The following FUT8 variants were observed in gnomAD, a reference collection of about 807,000 sequenced individuals.
FUT8 encodes the protein alpha-(1,6)-fucosyltransferase.
FUT8 carries 29 observed loss-of-function variants against 71.3 expected under a neutral mutation model. That is an observed-to-expected ratio of 0.41 (90% CI 0.30 to 0.55). The LOEUF (loss-of-function observed/expected upper bound fraction) is 0.55. Ranked by LOEUF, FUT8 falls within the 20% of genes least tolerant of loss-of-function variation. FUT8 has a pLI of 0.34. For missense variants in FUT8, 544 were observed against 702.1 expected, an observed-to-expected ratio of 0.77 and a Z score of 2.55; for synonymous variants, 254 against 239.3, an observed-to-expected ratio of 1.06 and a Z score of -0.57.
At chr14:65,677,301 G>C (rs965046857) in intron 7 of FUT8, among the ~76,000 whole-genome samples, 12 of 152,130 alleles carry the variant, frequency 7.9e-5, no homozygotes, top group African/African-American at 2.9e-4. Context: ...TTGGTATCAG[G>C]CTTCTTTCTT....
chr14:65,561,782 C>T lies in FUT8; in HGVS notation c.203+16C>T. On this transcript the variant is annotated intron_variant, in intron 3 of 10. Coordinates refer to ENST00000673929, the MANE Select transcript of FUT8 (RefSeq NM_001371533.1). ...AATCTCTCCGGTAGGTCCTAAAATA[C>T]TGAATGAAGAATGATGAAATATTGT... The T allele has an allele frequency of 1.9e-6, 3 of 1,598,132 alleles. No individual in the cohort carries two copies. Among genetic ancestry groups the T allele is most frequent in the Non-Finnish European group, 2.6e-6 (3 of 1,166,032 alleles).
rs1212580433 is a variant in FUT8, at chr14:65,679,270, T to TTA, written c.835+9793_835+9794dup. The stretch of plus-strand genomic sequence containing the variant: ...AATAGGACATTGGCAAAAATAGGCA[T>TTA]TATACTGTATGTTCCTCTTTTCTAG... On this transcript the variant is annotated intron_variant, in intron 7 of 10. Coordinates refer to ENST00000673929, the MANE Select transcript of FUT8 (RefSeq NM_001371533.1). Among the ~76,000 whole-genome samples, 3 of 152,184 alleles carry TTA rather than the reference T, an allele frequency of 2.0e-5. No individual in the cohort carries two copies. In the East Asian group the frequency reaches 5.8e-4, roughly 29 times the overall value.
intron 3 of FUT8, among the ~76,000 whole-genome samples, chr14:65,586,908 G>T (rs993292412): frequency 2.6e-5 from 4 of 152,176 alleles, no homozygotes; most frequent in African/African-American, 9.7e-5. Flanking sequence ...AAGAGTATGT[G>T]CTGGGCGCTG....
Position 65,639,685 on chromosome 14 carries a change from G to T in FUT8, c.597+10079G>T, listed in dbSNP as rs1000925933. Among the ~76,000 whole-genome samples the T allele has an allele frequency of 2.6e-5, 4 of 151,954 alleles. No homozygotes were observed. The East Asian group carries it at 7.7e-4, about 29-fold the overall frequency. On this transcript the variant is annotated intron_variant, in intron 6 of 10. Transcript: ENST00000673929. ...TCCTTTTTAGAAAACTTTTATTATG[G>T]AAAACTTTAACATGTATAAAAATAA...
At chr14:65,582,882 A>G (rs148383009) in intron 3 of FUT8, among the ~76,000 whole-genome samples, 7 of 152,294 alleles carry the variant, frequency 4.6e-5, no homozygotes, top group Non-Finnish European at 8.8e-5. Flanking sequence ...CATTCTTTGT[A>G]TTCTCAGGAG....
intron 1 of FUT8, among the ~76,000 whole-genome samples, chr14:65,455,416 G>T (rs1237843114): frequency 2.0e-5 from 3 of 152,160 alleles, no homozygotes; most frequent in East Asian, 1.9e-4. Context: ...GTGTTACTGA[G>T]TTTGGGTATA....
chr14:65,439,701 G>A (rs973977146), intron 1 of FUT8, among the ~76,000 whole-genome samples: 1 of 151,766 alleles, frequency 6.6e-6, no homozygotes, highest in Non-Finnish European at 1.5e-5. Flanking sequence ...TGGATGTGGA[G>A]TACTTTTAAA....
chr14:65,706,505 G>A (rs190675173), intron 7 of FUT8, among the ~76,000 whole-genome samples: 12 of 152,190 alleles, frequency 7.9e-5, no homozygotes, highest in Admixed American at 2.6e-4. Flanking sequence ...GTGTCAGTCC[G>A]TTTGGGCTGC....
intron 3 of FUT8, among the ~76,000 whole-genome samples, chr14:65,588,654 A>G (rs927474222): frequency 6.6e-6 from 1 of 152,136 alleles, no homozygotes; most frequent in Non-Finnish European, 1.5e-5. Flanking sequence ...CCCTTTATCC[A>G]TGGTTTTGCT....
rs1474856661 is a variant in FUT8 at position 65,540,257 on chromosome 14, T to C, written c.-227-21080T>C. ...TCCTCTATAGTAATAGAACCCTGAT[T>C]TTTGTTTGTTTGTTTTAACTGGGTA... On this transcript the variant is annotated intron_variant, in intron 2 of 10. Transcript: ENST00000673929. Among the ~76,000 whole-genome samples the C allele has an allele frequency of 2.0e-5, 3 of 152,300 alleles. No individual in the cohort carries two copies. The East Asian group carries it at 5.8e-4, about 29-fold the overall frequency.
chr14:65,585,435 A>C (rs368104590), intron 3 of FUT8, among the ~76,000 whole-genome samples: 2 of 152,118 alleles, frequency 1.3e-5, no homozygotes, highest in African/African-American at 4.8e-5. Context: ...AGTCCTCCCA[A>C]CGTGGCCTCC....
chr14:65,563,019 T>A (rs1011720122), intron 3 of FUT8, among the ~76,000 whole-genome samples: 5 of 152,078 alleles, frequency 3.3e-5, no homozygotes, highest in Non-Finnish European at 5.9e-5. Context: ...TGGGTCCTTT[T>A]ATGTCCTTTG....
intron 6 of FUT8, among the ~76,000 whole-genome samples, chr14:65,633,812 G>A (rs925826146): frequency 1.6e-4 from 24 of 151,948 alleles, no homozygotes; most frequent in Admixed American, 5.9e-4. Flanking sequence ...AGTGAGGAGC[G>A]TCTCCGCCCG....
chr14:65,404,676 T>C, the FUT8 span, among the ~76,000 whole-genome samples: 2 of 152,210 alleles, frequency 1.3e-5, no homozygotes, highest in Admixed American at 1.3e-4. Flanking sequence ...GGTTTCACCA[T>C]GTTGGTCAAG....
At chr14:65,610,667 G>A (rs1403478718) in intron 3 of FUT8, among the ~76,000 whole-genome samples, 1 of 151,894 alleles carries the variant, frequency 6.6e-6, no homozygotes, top group Non-Finnish European at 1.5e-5. Context: ...GGGATTACAG[G>A]CGTGAGCCAC....
chr14:65,473,413 T>C (rs2066179394), intron 2 of FUT8, among the ~76,000 whole-genome samples: 1 of 152,186 alleles, frequency 6.6e-6, no homozygotes, highest in Non-Finnish European at 1.5e-5. Flanking sequence ...TTAAGTTTTA[T>C]TGGATCTTGA....
chr14:65,700,061 C>G (rs1156523444), intron 7 of FUT8, among the ~76,000 whole-genome samples: 2 of 152,158 alleles, frequency 1.3e-5, no homozygotes, highest in African/African-American at 4.8e-5. Flanking sequence ...TAAGAAAATG[C>G]ATCCTTTAGA....
rs185889991 is a variant in FUT8 at position 65,480,751 on chromosome 14, A to G, written c.-228+25033A>G. Among the ~76,000 whole-genome samples the G allele has an allele frequency of 2.9e-3, 434 of 151,774 alleles. 3 individuals carry two copies. The highest frequency in any genetic ancestry group is 1.0e-2 in the African/African-American group (413 of 41,346). Reference sequence around the variant, plus strand: ...ACTCAGGCTGGAGCGTAGTGGTACTATCTCGGCTCACTGCAACCACTGCCT... The same window carrying G: ...ACTCAGGCTGGAGCGTAGTGGTACTGTCTCGGCTCACTGCAACCACTGCCT... On this transcript the variant is annotated intron_variant, in intron 2 of 10. Transcript: ENST00000673929.
At chr14:65,670,854 T>G (rs1892442733) in intron 7 of FUT8, among the ~76,000 whole-genome samples, 1 of 152,218 alleles carries the variant, frequency 6.6e-6, no homozygotes. Flanking sequence ...TTTTGTCTTC[T>G]GTAGGGTGTT....
Sources: gnomAD v4.1 joint callset for allele counts (sites outside exome capture counted in the v4.1 genomes callset) on GRCh38, gnomAD v4.1.1 for gene constraint, MANE v1.5 for transcripts, NCBI Gene and HGNC (gene_info 2026-07-23, HGNC 2026-07-21) for gene names.